The following RNF217 variants were observed in gnomAD, a reference collection of about 807,000 sequenced individuals.
The protein encoded by RNF217 is E3 ubiquitin-protein ligase RNF217.
In RNF217, 31 loss-of-function variants were observed where a neutral mutation model predicts 57.8. The observed-to-expected ratio is 0.54, with a 90% CI of 0.40 to 0.72. RNF217 has a LOEUF of 0.72. Among genes scored for constraint, RNF217 ranks in the 30% least tolerant of loss-of-function variants. The pLI is 0.00. For synonymous variants in RNF217, 313 were observed against 294.0 expected, an observed-to-expected ratio of 1.06 and a Z score of -0.66; for missense variants, 696 against 708.3, an observed-to-expected ratio of 0.98 and a Z score of 0.20.
chr6:125,003,233 G>A (rs1785054017), intron 1 of RNF217, among the ~76,000 whole-genome samples: 1 of 152,148 alleles, frequency 6.6e-6, no homozygotes, highest in Non-Finnish European at 1.5e-5. Flanking sequence ...AGGATTTAGT[G>A]ATTAGCAGAA....
rs763093592 is a variant in RNF217 at position 125,076,770 on chromosome 6, C to T, written c.1395C>T (p.His465=). Residue 465 remains histidine (H), a synonymous_variant, in exon 4 of 6, where the codon CAC becomes CAT. Coordinates refer to ENST00000521654, the MANE Select transcript of RNF217 (RefSeq NM_001286398.3). ...GCCAGCTCCGATTTTTTGGAGACCA[C>T]ACATCAAACCTCAGTATATTTGGAT... ...RYRQLRFFGD[H]TSNLSIFGCK... is the part of the protein sequence containing the mutation. 1 of 1,613,656 alleles carries T rather than the reference C, an allele frequency of 6.2e-7. No individual in the cohort carries two copies. The highest frequency in any genetic ancestry group is 2.2e-5 in the East Asian group (1 of 44,856).
intron 1 of RNF217, among the ~76,000 whole-genome samples, chr6:125,032,485 TATCTC>T (rs1366188094): frequency 6.6e-6 from 1 of 151,876 alleles, no homozygotes; most frequent in Non-Finnish European, 1.5e-5. Flanking sequence ...ATATATTTCT[TATCTC>T]CAGAATATTT....
chr6:124,988,353 A>G (rs1784432032), intron 1 of RNF217, among the ~76,000 whole-genome samples: 1 of 152,230 alleles, frequency 6.6e-6, no homozygotes, highest in Non-Finnish European at 1.5e-5. Context: ...AAAATACTGC[A>G]ATAAAACTTT....
In RNF217 at chr6:125,085,276, G is replaced by T. The variant is rs1314856174; in HGVS notation, c.*2339G>T. 1 of 151,866 alleles carries T rather than the reference G, an allele frequency of 6.6e-6. No individual in the cohort carries two copies. Among genetic ancestry groups the T allele is most frequent in the African/African-American group, 2.4e-5 (1 of 41,406 alleles). 9.4% of individuals were successfully genotyped at this position (151,866 alleles called of 1,614,324 possible). On this transcript the variant is annotated 3_prime_UTR_variant, in exon 6 of 6. Transcript: ENST00000521654. ...TTACAAAGTGGTGTCTGTTTTCAGT[G>T]ATGGCTATTTCATCAGTGCTTGAAA...
At chr6:125,036,044 A>T (rs1786600209) in intron 1 of RNF217, among the ~76,000 whole-genome samples, 1 of 151,580 alleles carries the variant, frequency 6.6e-6, no homozygotes. Context: ...CCCGCATGCG[A>T]TAGTTATTTC....
intron 1 of RNF217, among the ~76,000 whole-genome samples, chr6:124,976,967 A>G (rs1328223724): frequency 1.3e-5 from 2 of 152,122 alleles, no homozygotes; most frequent in African/African-American, 4.8e-5. Flanking sequence ...AAGGATAGTA[A>G]TTTTTTCCTG....
At chr6:124,990,164 A>C (rs549703859) in intron 1 of RNF217, among the ~76,000 whole-genome samples, 1 of 152,306 alleles carries the variant, frequency 6.6e-6, no homozygotes, top group Non-Finnish European at 1.5e-5. Flanking sequence ...CATTTTCTTC[A>C]TTCCACACTG....
chr6:125,040,739 C>A (rs770326977), intron 1 of RNF217, among the ~76,000 whole-genome samples: 18 of 152,148 alleles, frequency 1.2e-4, no homozygotes, highest in Non-Finnish European at 2.2e-4. Flanking sequence ...AGCTTATCCA[C>A]CACGATCAAG....
At chr6:124,991,540 G>A (rs1320698733) in intron 1 of RNF217, among the ~76,000 whole-genome samples, 1 of 151,822 alleles carries the variant, frequency 6.6e-6, no homozygotes, top group Non-Finnish European at 1.5e-5. Context: ...ATTCATTTTT[G>A]TTGTCTTTTT....
At chr6:124,991,834 A>G (rs1437950271) in intron 1 of RNF217, among the ~76,000 whole-genome samples, 1 of 152,196 alleles carries the variant, frequency 6.6e-6, no homozygotes, top group Non-Finnish European at 1.5e-5. Context: ...CAGTCCTAGT[A>G]GCAACTTTTA....
chr6:124,978,690 A>T (rs939420003), intron 1 of RNF217, among the ~76,000 whole-genome samples: 1 of 152,162 alleles, frequency 6.6e-6, no homozygotes, highest in Middle Eastern at 3.4e-3. Context: ...AGGGTTACAG[A>T]TCATTCATTC....
chr6:124,962,801 A>G lies in RNF217; in HGVS notation c.257A>G (p.Gln86Arg), dbSNP rs966095337. The G allele has an allele frequency of 6.9e-6, 11 of 1,597,320 alleles. No homozygotes were observed. The highest frequency in any genetic ancestry group is 1.3e-5 in the African/African-American group (1 of 74,864). Residue 86 changes from glutamine (Q) to arginine (R), a missense_variant, in exon 1 of 6, where the codon CAG becomes CGG. Transcript: ENST00000521654. The surrounding 1 kb of genome is among the most constrained non-coding windows in gnomAD (Gnocchi z 4.6). ...TGGAGTAAGAGCCGAGCACCGGCGC[A>G]GCCTGCGGGACTGGCACTCACCGGG... ...PGWSKSRAPA[Q>R]PAGLALTGPL...
At chr6:124,967,021 G>C (rs187000067) in intron 1 of RNF217, among the ~76,000 whole-genome samples, 1 of 152,170 alleles carries the variant, frequency 6.6e-6, no homozygotes, top group Non-Finnish European at 1.5e-5. Flanking sequence ...TGATCGCCAC[G>C]GTGAAGAGGT....
At chr6:124,978,064 C>T (rs377371751) in intron 1 of RNF217, among the ~76,000 whole-genome samples, 81 of 152,150 alleles carry the variant, frequency 5.3e-4, no homozygotes, top group Non-Finnish European at 8.5e-4. Context: ...TTGCTTAGCA[C>T]CATGCTAATC....
chr6:125,055,311 T>C (rs1787481691), intron 2 of RNF217, among the ~76,000 whole-genome samples: 1 of 152,186 alleles, frequency 6.6e-6, no homozygotes, highest in South Asian at 2.1e-4. Flanking sequence ...CCACTAAGTC[T>C]GTGCTGTTGG....
chr6:125,045,518 G>A (rs1448244110), intron 2 of RNF217, 74 bp downstream of exon 2: 4 of 1,039,524 alleles, frequency 3.8e-6, no homozygotes, highest in Non-Finnish European at 5.7e-6. Context: ...ACTTGTCGTG[G>A]GCATTAAGGG....
intron 3 of RNF217, among the ~76,000 whole-genome samples, chr6:125,070,238 C>T (rs9491302): frequency 4.5e-4 from 69 of 152,256 alleles, no homozygotes; most frequent in African/African-American, 1.7e-3. Flanking sequence ...AGCATGTTTT[C>T]TTTATCCACT....
chr6:125,059,516 TG>T (rs1178869504), intron 3 of RNF217, among the ~76,000 whole-genome samples: 1 of 152,206 alleles, frequency 6.6e-6, no homozygotes, highest in African/African-American at 2.4e-5. Context: ...TATTCATAAG[TG>T]CATTTTATAT....
intron 3 of RNF217, among the ~76,000 whole-genome samples, chr6:125,065,105 C>G (rs1348875855): frequency 2.6e-5 from 4 of 151,440 alleles, no homozygotes; most frequent in Non-Finnish European, 5.9e-5. Flanking sequence ...GAAACTCCGT[C>G]TCTACTAAAA....
Sources: gnomAD v4.1 joint callset for allele counts (sites outside exome capture counted in the v4.1 genomes callset) on GRCh38, gnomAD v4.1.1 for gene constraint, Gnocchi (gnomAD v3.1) non-coding constraint, MANE v1.5 for transcripts, NCBI Gene and HGNC (gene_info 2026-07-23, HGNC 2026-07-21) for gene names.